The following LRRC34 variants were observed in gnomAD, a reference collection of about 807,000 sequenced individuals.
LRRC34 encodes leucine rich repeat containing 34, also known as leucine-rich repeat-containing protein 34.
Under a neutral mutation model 48.5 loss-of-function variants are expected in LRRC34, and 44 were observed. The observed-to-expected ratio is 0.91, with a 90% CI of 0.71 to 1.17. LRRC34 has a LOEUF of 1.17. LRRC34 is among the 50% of genes most tolerant of loss of function. The probability of loss-of-function intolerance (pLI) is 0.00; values close to 1 mark genes in which losing one functional copy is unlikely to be tolerated. For missense variants in LRRC34, 502 were observed against 563.0 expected, an observed-to-expected ratio of 0.89 and a Z score of 1.10; for synonymous variants, 192 against 197.6, an observed-to-expected ratio of 0.97 and a Z score of 0.24.
At chr3:169,796,141 G>C (rs1778977813) in intron 9 of LRRC34, 73 bp downstream of exon 9, 1 of 1,498,864 alleles carries the variant, frequency 6.7e-7, no homozygotes. Flanking sequence ...AATCTTAAGA[G>C]TTAAGGGGAT....
At chr3:169,804,990 A>G (rs556887293) in intron 5 of LRRC34, among the ~76,000 whole-genome samples, 1 of 152,320 alleles carries the variant, frequency 6.6e-6, no homozygotes, top group South Asian at 2.1e-4. Flanking sequence ...ATATAATTTG[A>G]TAAATATTTC....
intron 5 of LRRC34, among the ~76,000 whole-genome samples, chr3:169,806,013 T>C (rs1026606255): frequency 7.9e-5 from 12 of 152,048 alleles, no homozygotes; most frequent in Admixed American, 7.9e-4. Flanking sequence ...CAAGGACACA[T>C]TTCTTGATTT....
chr3:169,795,930 T>C, intron 9 of LRRC34: 1 of 1,179,146 alleles, frequency 8.5e-7, no homozygotes, highest in South Asian at 3.1e-5. Flanking sequence ...AAAGTCTTGA[T>C]CATATTGAAT....
In LRRC34 at chr3:169,793,810, C is replaced by T. The variant is rs746418239; in HGVS notation, c.1220G>A (p.Cys407Tyr). ...CACATCTGTATTGTCTGGTTTTAGA[C>T]AACCCATTTGAATTAAGTCTGAATA... is the stretch of plus-strand genomic sequence containing the variant. ...IAYSDLIQMGCLKPDNTDVEP... is the reference protein window; with the variant it reads ...IAYSDLIQMGYLKPDNTDVEP... Residue 407 changes from cysteine to tyrosine, a missense_variant, in exon 11 of 11, where the codon TGT becomes TAT. Coordinates refer to ENST00000446859, the MANE Select transcript of LRRC34 (RefSeq NM_001172779.2). 1 of 1,612,472 alleles carries T rather than the reference C, an allele frequency of 6.2e-7. No individual in the cohort carries two copies. The highest frequency in any genetic ancestry group is 1.7e-5 in the Admixed American group (1 of 59,662).
intron 1 of LRRC34, among the ~76,000 whole-genome samples, chr3:169,810,254 T>TA (rs965950253): frequency 4.6e-5 from 7 of 150,632 alleles, no homozygotes; most frequent in African/African-American, 1.2e-4. Context: ...TTTCTAACAT[T>TA]AAAAAAAAAT....
intron 6 of LRRC34, among the ~76,000 whole-genome samples, chr3:169,801,576 A>T (rs1576739284): frequency 6.6e-6 from 1 of 152,102 alleles, no homozygotes; most frequent in African/African-American, 2.4e-5. Flanking sequence ...ATTTTCATTT[A>T]TAATACAACC....
Position 169,812,640 on chromosome 3 carries a change from C to G in LRRC34, c.-92G>C. On this transcript the variant is annotated 5_prime_UTR_variant, in exon 1 of 11. Coordinates refer to ENST00000446859, the MANE Select transcript of LRRC34 (RefSeq NM_001172779.2). This position sits in a 1 kb window ranked among gnomAD's most constrained non-coding sequence, Gnocchi z 4.3. ...CCTGCTTCGAGTCCCGCTGGCTGTG[C>G]CTGCCCGGGCCCTGAGGCCTCACTG... The G allele has an allele frequency of 7.2e-7, 1 of 1,396,660 alleles. No homozygotes were observed. The highest frequency in any genetic ancestry group is 9.3e-7 in the Non-Finnish European group (1 of 1,080,836). The allele number at this position is 1,396,660 out of a possible 1,614,324, so 86.5% of individuals were successfully genotyped here.
At chr3:169,799,134 GA>G (rs1030548289) in intron 7 of LRRC34, among the ~76,000 whole-genome samples, 6 of 152,072 alleles carry the variant, frequency 3.9e-5, no homozygotes, top group African/African-American at 1.4e-4. Flanking sequence ...GAACAGATTG[GA>G]TTTACGTACA....
rs149078218 is a variant in LRRC34 at position 169,806,384 on chromosome 3, A to C, written c.528+464T>G. On this transcript the variant is annotated intron_variant, in intron 5 of 10. Transcript: ENST00000446859. ...TTGAAAACATTAAGCCAGTCCCAAA[A>C]GGCCACATATTGTATGATTCTGTTT... is the stretch of plus-strand genomic sequence containing the variant. Among the ~76,000 whole-genome samples, 165 of 152,326 alleles carry C rather than the reference A, an allele frequency of 1.1e-3. 1 individual carries two copies. Among genetic ancestry groups the C allele is most frequent in the African/African-American group, 3.8e-3 (157 of 41,564 alleles).
In LRRC34 at chr3:169,797,799, C is replaced by G. The variant is rs138696714; in HGVS notation, c.754-900G>C. ...AAATCAAGTCTGTCAGATACTAGCT[C>G]TACCTTTTACTGGCTATATGACTTT... On this transcript the variant is annotated intron_variant, in intron 7 of 10. Transcript: ENST00000446859. 3.2e-3 allele frequency among the ~76,000 whole-genome samples: 491 copies of G among 152,304 alleles called. 3 individuals are homozygous for G. Among genetic ancestry groups the G allele is most frequent in the African/African-American group, 0.011 (448 of 41,570 alleles).
intron 7 of LRRC34, among the ~76,000 whole-genome samples, chr3:169,798,398 A>G (rs1457453403): frequency 6.6e-6 from 1 of 152,242 alleles, no homozygotes; most frequent in Non-Finnish European, 1.5e-5. Context: ...GGTGAAGTCC[A>G]ACATCTTAAC....
intron 7 of LRRC34, among the ~76,000 whole-genome samples, chr3:169,798,763 G>A (rs1052457222): frequency 7.2e-5 from 11 of 151,742 alleles, no homozygotes; most frequent in Admixed American, 2.6e-4. Flanking sequence ...TTTAGCCCTC[G>A]AATCTCCTGT....
chr3:169,804,983 T>A (rs1047763906), intron 5 of LRRC34, among the ~76,000 whole-genome samples: 1 of 152,208 alleles, frequency 6.6e-6, no homozygotes, highest in Non-Finnish European at 1.5e-5. Flanking sequence ...TAAAGTAATA[T>A]AATTTGATAA....
At chr3:169,810,110 C>T (rs143258249) in intron 1 of LRRC34, among the ~76,000 whole-genome samples, 315 of 151,942 alleles carry the variant, frequency 2.1e-3, no homozygotes, top group African/African-American at 7.4e-3. Context: ...GCACACACCA[C>T]CACACCCAGC....
chr3:169,802,651 A>G (rs1779235028), intron 6 of LRRC34, among the ~76,000 whole-genome samples: 1 of 152,008 alleles, frequency 6.6e-6, no homozygotes, highest in Non-Finnish European at 1.5e-5. Context: ...TTTTCCCAGA[A>G]CCACACTGGC....
chr3:169,796,134 C>G, intron 9 of LRRC34, 80 bp downstream of exon 9: 6 of 1,456,106 alleles, frequency 4.1e-6, no homozygotes, highest in Non-Finnish European at 5.4e-6. Context: ...TCATTATAAT[C>G]TTAAGAGTTA....
Position 169,812,754 on chromosome 3 carries a change from G to A in LRRC34, c.-206C>T. 1 of 643,006 alleles carries A rather than the reference G, an allele frequency of 1.6e-6. No homozygotes were observed. Among genetic ancestry groups the A allele is most frequent in the Non-Finnish European group, 2.4e-6 (1 of 412,970 alleles). 39.8% of individuals were successfully genotyped at this position (643,006 alleles called of 1,614,324 possible). Reference sequence around the variant, plus strand: ...TGAGGGAGGGCGTCCTGGCTCCTTTGCAGGGAGGAGTTCCCGAGGTTTGAG... The same window carrying A: ...TGAGGGAGGGCGTCCTGGCTCCTTTACAGGGAGGAGTTCCCGAGGTTTGAG... On this transcript the variant is annotated 5_prime_UTR_variant, in exon 1 of 11. Transcript: ENST00000446859. The surrounding 1 kb of genome is among the most constrained non-coding windows in gnomAD (Gnocchi z 4.3).
At chr3:169,802,802 GTC>G (rs1576740697) in intron 6 of LRRC34, among the ~76,000 whole-genome samples, 1 of 151,850 alleles carries the variant, frequency 6.6e-6, no homozygotes, top group Non-Finnish European at 1.5e-5. Flanking sequence ...ATGAAACCCC[GTC>G]TCTACTAAAA....
intron 6 of LRRC34, among the ~76,000 whole-genome samples, chr3:169,802,770 T>C (rs541581978): frequency 2.5e-4 from 38 of 152,082 alleles, no homozygotes; most frequent in African/African-American, 9.2e-4. Context: ...GTCGGGAGTT[T>C]GAGACCAGCC....
Sources: allele counts gnomAD v4.1 joint callset (sites outside exome capture counted in the v4.1 genomes callset), GRCh38; gene constraint gnomAD v4.1.1; non-coding constraint Gnocchi (gnomAD v3.1); transcripts MANE v1.5; gene names NCBI Gene and HGNC (gene_info 2026-07-23, HGNC 2026-07-21).